Variants in CLASP1 observed in about 807,000 individuals in gnomAD.
The protein encoded by CLASP1 is CLIP-associating protein 1.
CLASP1 carries 38 observed loss-of-function variants against 192.3 expected under a neutral mutation model. The ratio of observed to expected loss-of-function variants is 0.20; its 90% CI spans 0.15 to 0.26. CLASP1 has a LOEUF of 0.26. Among genes scored for constraint, CLASP1 ranks in the 10% least tolerant of loss-of-function variants. The pLI, the probability that CLASP1 is intolerant of heterozygous loss-of-function variation, is 1.00. For missense variants in CLASP1, 1,433 were observed against 1,932.5 expected (o/e 0.74, Z 4.85); for synonymous variants, 691 against 712.8 (o/e 0.97, Z 0.49).
intron 33 of CLASP1, among the ~76,000 whole-genome samples, chr2:121,378,158 T>C (rs867789935): frequency 6.6e-6 from 1 of 152,022 alleles, no homozygotes; most frequent in Non-Finnish European, 1.5e-5. Context: ...AAAACCCTAT[T>C]AAAACAAAAC....
intron 7 of CLASP1, among the ~76,000 whole-genome samples, chr2:121,504,167 G>C (rs915084201): frequency 5.9e-5 from 9 of 151,726 alleles, no homozygotes; most frequent in African/African-American, 2.2e-4. Context: ...GGGAGACAGA[G>C]GCTGCAATGA....
intron 8 of CLASP1, among the ~76,000 whole-genome samples, chr2:121,479,014 CA>C (rs1340638297): frequency 1.7e-4 from 16 of 91,712 alleles, no homozygotes; most frequent in African/African-American, 9.8e-4. Flanking sequence ...CACACACACA[CA>C]CCACACACAC....
intron 2 of CLASP1, among the ~76,000 whole-genome samples, chr2:121,602,101 G>C (rs2063854338): frequency 6.6e-6 from 1 of 151,848 alleles, no homozygotes; most frequent in East Asian, 1.9e-4. Context: ...CTTGAACCCA[G>C]GAGGCGGAGG....
At chr2:121,428,381 A>AGC (rs2080815449) in intron 20 of CLASP1, among the ~76,000 whole-genome samples, 2 of 152,202 alleles carry the variant, frequency 1.3e-5, no homozygotes, top group African/African-American at 4.8e-5. Flanking sequence ...AACACTGCAA[A>AGC]ATTACATGCT....
At chr2:121,608,048 A>G (rs1370874023) in intron 1 of CLASP1, among the ~76,000 whole-genome samples, 1 of 152,218 alleles carries the variant, frequency 6.6e-6, no homozygotes, top group African/African-American at 2.4e-5. Flanking sequence ...TATATTGAGG[A>G]GAGATCTGCT....
intron 9 of CLASP1, among the ~76,000 whole-genome samples, chr2:121,467,209 T>C (rs948857690): frequency 2.0e-4 from 31 of 152,356 alleles, no homozygotes; most frequent in African/African-American, 5.8e-4. Context: ...CAGTCTATCA[T>C]TGATGGGCAT....
chr2:121,417,222 T>C (rs539725034), intron 23 of CLASP1, among the ~76,000 whole-genome samples: 1 of 152,214 alleles, frequency 6.6e-6, no homozygotes, highest in African/African-American at 2.4e-5. Context: ...TCTCAAGAAT[T>C]CAGCACACCT....
chr2:121,508,016 G>C (rs2093995936), intron 7 of CLASP1, among the ~76,000 whole-genome samples: 2 of 151,820 alleles, frequency 1.3e-5, no homozygotes, highest in Non-Finnish European at 1.5e-5. Context: ...GAAATGAAAG[G>C]ACACTGTACA....
chr2:121,531,126 A>G (rs181929526), intron 2 of CLASP1: 85 of 626,152 alleles, frequency 1.4e-4, no homozygotes, highest in African/African-American at 8.5e-4. Context: ...TGTCGCAAGT[A>G]AAGTTCTTTC....
At chr2:121,533,275 G>C (rs938477419) in intron 2 of CLASP1, among the ~76,000 whole-genome samples, 6 of 152,182 alleles carry the variant, frequency 3.9e-5, no homozygotes, top group Admixed American at 2.0e-4. Context: ...ACAGAAGGCA[G>C]TTCCAGGCAC....
At chr2:121,571,206 C>T (rs979719214) in intron 2 of CLASP1, among the ~76,000 whole-genome samples, 1 of 151,928 alleles carries the variant, frequency 6.6e-6, no homozygotes, top group African/African-American at 2.4e-5. Context: ...GGATGGGTCT[C>T]ACTCTGTCAC....
intron 2 of CLASP1, among the ~76,000 whole-genome samples, chr2:121,565,813 C>T (rs1157834646): frequency 1.3e-5 from 2 of 152,358 alleles, no homozygotes; most frequent in Non-Finnish European, 2.9e-5. Context: ...TCAGAACACA[C>T]ATTAAGAGCA....
At chr2:121,613,074 G>C (rs1170262415) in intron 1 of CLASP1, among the ~76,000 whole-genome samples, 2 of 152,214 alleles carry the variant, frequency 1.3e-5, no homozygotes, top group African/African-American at 4.8e-5. Context: ...TTCTTCATCA[G>C]GAAAAGTTTT....
chr2:121,478,843 A>ACACCACACACACAC (rs1559368126), intron 8 of CLASP1, among the ~76,000 whole-genome samples: 1,561 of 47,616 alleles, frequency 0.033, 48 homozygotes, highest in East Asian at 0.13. Flanking sequence ...CACACCACAC[A>ACACCACACACACAC]CACACCACAC....
In CLASP1 at chr2:121,369,377, T is replaced by A. The variant is rs777117512; in HGVS notation, c.3643-1546A>T. Among the ~76,000 whole-genome samples, 103 of 152,330 alleles carry A rather than the reference T, an allele frequency of 6.8e-4. 1 individual carries two copies. Among genetic ancestry groups the A allele is most frequent in the Middle Eastern group, 6.8e-3 (2 of 294 alleles). ...ATAAATCAAATCTTAACAGAGGTTTTCTCTGGGTGGAAGAAAATTCATGGA... is the reference window on the plus strand; with the variant it reads ...ATAAATCAAATCTTAACAGAGGTTTACTCTGGGTGGAAGAAAATTCATGGA... On this transcript the variant is annotated intron_variant, in intron 34 of 39. Transcript: ENST00000263710.
chr2:121,531,173 G>A (rs534161115), intron 2 of CLASP1, among the ~76,000 whole-genome samples: 2 of 152,112 alleles, frequency 1.3e-5, no homozygotes, highest in African/African-American at 4.8e-5. Context: ...GATTTCAACA[G>A]AACTTCACCC....
intron 14 of CLASP1, among the ~76,000 whole-genome samples, chr2:121,456,713 T>C (rs913172485): frequency 2.6e-5 from 4 of 152,076 alleles, no homozygotes; most frequent in Middle Eastern, 3.2e-3. Context: ...CTTGTACCCA[T>C]AGAAACCCAG....
At chr2:121,352,342 T>G (rs1052443751) in intron 37 of CLASP1, among the ~76,000 whole-genome samples, 2 of 152,248 alleles carry the variant, frequency 1.3e-5, no homozygotes, top group East Asian at 3.8e-4. Context: ...ATTGACTCCA[T>G]GCATGCCACC....
At chr2:121,532,822 A>T (rs1224885583) in intron 2 of CLASP1, 4 of 152,192 alleles carry the variant, frequency 2.6e-5, no homozygotes, top group Non-Finnish European at 4.4e-5. Flanking sequence ...AATTGTAATA[A>T]ACCACATTAA....
Sources: gnomAD v4.1 joint callset for allele counts (sites outside exome capture counted in the v4.1 genomes callset) on GRCh38, gnomAD v4.1.1 for gene constraint, MANE v1.5 for transcripts, NCBI Gene and HGNC (gene_info 2026-07-23, HGNC 2026-07-21) for gene names.